Variants in CDH2 observed in about 807,000 individuals in gnomAD.
The protein encoded by CDH2 is cadherin 2.
CDH2 carries 17 observed loss-of-function variants against 92.0 expected under a neutral mutation model. The observed-to-expected ratio is 0.18, with a 90% CI of 0.13 to 0.28. The LOEUF (loss-of-function observed/expected upper bound fraction) is 0.28. CDH2 is among the 10% of genes least tolerant of loss of function. The pLI is 1.00. For missense variants in CDH2, 862 were observed against 1,133.1 expected (o/e 0.76, Z 3.44); for synonymous variants, 419 against 415.9 (o/e 1.01, Z -0.09).
At chr18:28,104,623 CAG>C (rs2015290442) in intron 2 of CDH2, among the ~76,000 whole-genome samples, 1 of 151,204 alleles carries the variant, frequency 6.6e-6, no homozygotes, top group Non-Finnish European at 1.5e-5. Context: ...AATTCACAAA[CAG>C]AATTAAATGT....
chr18:27,991,437 G>C (rs191633974), intron 9 of CDH2, among the ~76,000 whole-genome samples: 257 of 152,028 alleles, frequency 1.7e-3, no homozygotes, highest in African/African-American at 4.9e-3. Context: ...AAGCAAGACA[G>C]AAAAAAAGCC....
At chr18:27,999,951 C>T (rs1205823805) in intron 7 of CDH2, among the ~76,000 whole-genome samples, 2 of 152,192 alleles carry the variant, frequency 1.3e-5, no homozygotes, top group East Asian at 3.9e-4. Context: ...ATTTCCCCTG[C>T]TTGCACTCTT....
At chr18:28,048,292 T>A (rs2014121579) in intron 2 of CDH2, among the ~76,000 whole-genome samples, 1 of 151,042 alleles carries the variant, frequency 6.6e-6, no homozygotes, top group African/African-American at 2.4e-5. Flanking sequence ...GTGGTATGTT[T>A]TTACCTCCAT....
chr18:28,119,554 T>C (rs1433980370), intron 2 of CDH2, among the ~76,000 whole-genome samples: 1 of 152,162 alleles, frequency 6.6e-6, no homozygotes, highest in East Asian at 1.9e-4. Flanking sequence ...AATGCCTTAA[T>C]ATTGAGCAAT....
At chr18:28,104,141 T>G (rs2015282591) in intron 2 of CDH2, among the ~76,000 whole-genome samples, 1 of 152,186 alleles carries the variant, frequency 6.6e-6, no homozygotes, top group South Asian at 2.1e-4. Context: ...GTTATTGATT[T>G]TTGTTACTAA....
At chr18:28,038,886 C>T (rs949902791) in intron 2 of CDH2, among the ~76,000 whole-genome samples, 4 of 152,136 alleles carry the variant, frequency 2.6e-5, no homozygotes, top group Admixed American at 1.3e-4. Context: ...TTTAAGAGCA[C>T]GACTGCTGGT....
intron 2 of CDH2, among the ~76,000 whole-genome samples, chr18:28,113,401 G>A (rs2015444016): frequency 6.9e-6 from 1 of 145,774 alleles, no homozygotes. Context: ...ATATTGAACA[G>A]AACATTTAAA....
In CDH2 at chr18:28,003,186, T is replaced by G. The variant is rs778144612; in HGVS notation, c.848-17A>C. ...CATATGTTCCTAGAGACAGTGTACA[T>G]GGAAAATGAATGGTTACCCTTCATT... On this transcript the variant is annotated splice_polypyrimidine_tract_variant and intron_variant, in intron 6 of 15. Transcript: ENST00000269141. 4 of 1,597,660 alleles carry G rather than the reference T, an allele frequency of 2.5e-6. No homozygotes were observed. The highest frequency in any genetic ancestry group is 2.6e-6 in the Non-Finnish European group (3 of 1,166,308).
chr18:28,146,535 C>T (rs908928025), intron 2 of CDH2: 49 of 151,910 alleles, frequency 3.2e-4, no homozygotes, highest in Admixed American at 2.7e-3. Flanking sequence ...CAAGAGAATG[C>T]CTTAAAAAAA....
At chr18:28,014,095 G>T (rs1037513333) in intron 2 of CDH2, among the ~76,000 whole-genome samples, 186 bp from the exon 3 acceptor site, 2 of 152,090 alleles carry the variant, frequency 1.3e-5, no homozygotes, top group Admixed American at 1.3e-4. Context: ...CCAGATGGTA[G>T]TTCTGAGCTG....
rs1212811242 is a variant in CDH2 at position 28,177,076 on chromosome 18, G to A, written c.-54C>T. 16 of 1,361,518 alleles carry A rather than the reference G, an allele frequency of 1.2e-5. No individual in the cohort carries two copies. The highest frequency in any genetic ancestry group is 1.1e-4 in the Admixed American group (5 of 45,786). 84.3% of individuals were successfully genotyped at this position (1,361,518 alleles called of 1,614,324 possible). On this transcript the variant is annotated 5_prime_UTR_variant, in exon 1 of 16. Coordinates refer to ENST00000269141, the MANE Select transcript of CDH2 (RefSeq NM_001792.5). ...CGGAGGAGGCGGCGGCGGCGGCGGCGGCGGCGGAGGAGGAGGAGGCAGCGG... is the reference window on the plus strand; with the variant it reads ...CGGAGGAGGCGGCGGCGGCGGCGGCAGCGGCGGAGGAGGAGGAGGCAGCGG...
chr18:28,161,186 C>A (rs2016301341), intron 1 of CDH2, among the ~76,000 whole-genome samples: 1 of 152,192 alleles, frequency 6.6e-6, no homozygotes, highest in African/African-American at 2.4e-5. Flanking sequence ...GAAACAATTT[C>A]ACCTGGATGA....
chr18:28,120,000 G>T (rs1015851478), intron 2 of CDH2, among the ~76,000 whole-genome samples: 1 of 152,034 alleles, frequency 6.6e-6, no homozygotes, highest in Non-Finnish European at 1.5e-5. Flanking sequence ...CAAAGTCATC[G>T]TATCTTTCCT....
At chr18:28,048,809 G>A (rs1238105627) in intron 2 of CDH2, among the ~76,000 whole-genome samples, 1 of 152,094 alleles carries the variant, frequency 6.6e-6, no homozygotes, top group Non-Finnish European at 1.5e-5. Context: ...ACAGCAGAGC[G>A]TGAAATAGCA....
chr18:28,081,516 T>A (rs1352137061), intron 2 of CDH2, among the ~76,000 whole-genome samples: 2 of 152,246 alleles, frequency 1.3e-5, no homozygotes, highest in Non-Finnish European at 1.5e-5. Context: ...AAACTAGCTG[T>A]AATATTTTAT....
At chr18:27,993,142 A>T (rs559372137) in intron 8 of CDH2, among the ~76,000 whole-genome samples, 5 of 152,280 alleles carry the variant, frequency 3.3e-5, no homozygotes, top group African/African-American at 1.2e-4. Context: ...GTCTGTGCAA[A>T]ATGATTTTAC....
At chr18:28,152,837 G>C (rs575765933) in intron 1 of CDH2, among the ~76,000 whole-genome samples, 7 of 152,242 alleles carry the variant, frequency 4.6e-5, no homozygotes, top group African/African-American at 1.4e-4. Flanking sequence ...ACAGACCTGA[G>C]TCAGGGCAGG....
chr18:27,986,329 T>G (rs1441288217), intron 11 of CDH2, among the ~76,000 whole-genome samples: 1 of 152,096 alleles, frequency 6.6e-6, no homozygotes, highest in African/African-American at 2.4e-5. Context: ...TGAGATCATA[T>G]TAGGCTGCTC....
intron 1 of CDH2, among the ~76,000 whole-genome samples, chr18:28,158,622 C>T (rs1377363523): frequency 6.6e-6 from 1 of 152,134 alleles, no homozygotes; most frequent in East Asian, 1.9e-4. Flanking sequence ...AAGTATGGTC[C>T]GAGGAGTGGA....
Sources: gnomAD v4.1 joint callset for allele counts (sites outside exome capture counted in the v4.1 genomes callset) on GRCh38, gnomAD v4.1.1 for gene constraint, MANE v1.5 for transcripts, NCBI Gene and HGNC (gene_info 2026-07-23, HGNC 2026-07-21) for gene names.